The following ANO3 variants were observed in gnomAD, a reference collection of about 807,000 sequenced individuals.
The protein encoded by ANO3 is anoctamin-3.
In ANO3, 99 loss-of-function variants were observed where a neutral mutation model predicts 144.8. The observed-to-expected ratio is 0.68, with a 90% CI of 0.58 to 0.81. The LOEUF (loss-of-function observed/expected upper bound fraction) is 0.81, where lower values mean the gene tolerates loss of function less well. ANO3 is among the 30% of genes least tolerant of loss of function. The pLI, the probability that ANO3 is intolerant of heterozygous loss-of-function variation, is 0.00. For synonymous variants in ANO3, 414 were observed against 392.6 expected (o/e 1.05, Z -0.64); for missense variants, 905 against 1,202.2 (o/e 0.75, Z 3.66).
At chr11:26,410,419 C>A (rs992441346) in intron 1 of ANO3, among the ~76,000 whole-genome samples, 1 of 151,816 alleles carries the variant, frequency 6.6e-6, no homozygotes, top group African/African-American at 2.4e-5. Context: ...AAGTAATATA[C>A]TTCCTTTGTA....
chr11:26,639,841 C>T (rs1203349983), intron 21 of ANO3, among the ~76,000 whole-genome samples: 2 of 152,120 alleles, frequency 1.3e-5, no homozygotes, highest in South Asian at 2.1e-4. Context: ...TATTAAAATA[C>T]ACTTTCCTTT....
intron 4 of ANO3, among the ~76,000 whole-genome samples, chr11:26,490,007 G>A (rs776727144): frequency 6.6e-6 from 1 of 152,132 alleles, no homozygotes; most frequent in Non-Finnish European, 1.5e-5. Flanking sequence ...AAAATGTGAG[G>A]ACATGAGATT....
chr11:26,428,289 T>C (rs1328758111), intron 1 of ANO3, among the ~76,000 whole-genome samples: 2 of 152,088 alleles, frequency 1.3e-5, no homozygotes, highest in Non-Finnish European at 2.9e-5. Context: ...GACAAACCTA[T>C]ATATTGAAAA....
rs547402829 is a variant in ANO3 at position 26,555,513 on chromosome 11, T to C, written c.1386+2168T>C. ...TGCAGTAAATACATCTCTTCTTTTC[T>C]GAACAGAGAAAGGTACATTTAAGGA... is the stretch of plus-strand genomic sequence containing the variant. On this transcript the variant is annotated intron_variant, in intron 13 of 26. Coordinates refer to ENST00000256737, the MANE Select transcript of ANO3 (RefSeq NM_031418.4). Among the ~76,000 whole-genome samples the C allele has an allele frequency of 3.9e-5, 6 of 152,278 alleles. No individual in the cohort carries two copies. In the South Asian group the frequency reaches 1.0e-3, roughly 26 times the overall value.
chr11:26,404,482 A>G (rs1386082678), intron 1 of ANO3, among the ~76,000 whole-genome samples: 1 of 151,794 alleles, frequency 6.6e-6, no homozygotes, highest in Non-Finnish European at 1.5e-5. Flanking sequence ...ATTCCATTTA[A>G]AGAGGAAAAA....
chr11:26,398,974 A>T (rs2133971950), intron 1 of ANO3, among the ~76,000 whole-genome samples: 1 of 152,168 alleles, frequency 6.6e-6, no homozygotes, highest in South Asian at 2.1e-4. Context: ...TGGGGTAATG[A>T]CAGACAGGCC....
chr11:26,537,272 G>C (rs1175074220), intron 9 of ANO3, 134 bp from the exon 10 acceptor site: 7 of 695,294 alleles, frequency 1.0e-5, no homozygotes, highest in Admixed American at 2.2e-5. Flanking sequence ...CCTCATAGGT[G>C]ATGTGGCTAT....
At chr11:26,380,392 T>A (rs1414225743) in intron 1 of ANO3, among the ~76,000 whole-genome samples, 1 of 152,204 alleles carries the variant, frequency 6.6e-6, no homozygotes, top group Non-Finnish European at 1.5e-5. Context: ...CTGGCTGCTA[T>A]AACAAAATAC....
chr11:26,379,307 C>A (rs1166584750), intron 1 of ANO3, among the ~76,000 whole-genome samples: 1 of 152,104 alleles, frequency 6.6e-6, no homozygotes, highest in African/African-American at 2.4e-5. Flanking sequence ...GAGTTTGATA[C>A]AAGTCATCAG....
At position 26,245,048 on chromosome 11, in the gene ANO3, T is replaced by C. The variant is rs932047196; in HGVS notation, c.154+55718T>C. On this transcript the variant is annotated intron_variant, in intron 1 of 27. Transcript: ENST00000672621. ...ATGCATGCATTTGTCTTTCATAGCATTGAATTTTTAAAAAATAATTCCAAC... is the reference window on the plus strand; with the variant it reads ...ATGCATGCATTTGTCTTTCATAGCACTGAATTTTTAAAAAATAATTCCAAC... Among the ~76,000 whole-genome samples the C allele has an allele frequency of 4.0e-5, 6 of 150,856 alleles. No individual in the cohort carries two copies. In the South Asian group the frequency reaches 8.4e-4, roughly 21 times the overall value.
At chr11:26,467,454 G>A (rs570584696) in intron 4 of ANO3, among the ~76,000 whole-genome samples, 1 of 151,772 alleles carries the variant, frequency 6.6e-6, no homozygotes, top group East Asian at 2.0e-4. Context: ...CCAAACCCTG[G>A]TAATCATCAT....
intron 1 of ANO3, among the ~76,000 whole-genome samples, chr11:26,246,628 A>G (rs1190179394): frequency 6.7e-6 from 1 of 149,640 alleles, no homozygotes; most frequent in East Asian, 1.9e-4. Context: ...TTGTTACTAT[A>G]TTATAATAAT....
rs1481485628 is a variant in ANO3 at position 26,629,409 on chromosome 11, T to C, written c.1874-4795T>C. On this transcript the variant is annotated intron_variant, in intron 18 of 26. Transcript: ENST00000256737. The stretch of plus-strand genomic sequence containing the variant: ...CTATTACATTATTCCTATCTATCTA[T>C]CTATCTATCTACTTTCTTTACAAGA... 2.6e-5 allele frequency among the ~76,000 whole-genome samples: 4 copies of C among 151,942 alleles called. No homozygotes were observed. In the East Asian group the frequency reaches 7.8e-4, roughly 29 times the overall value.
chr11:26,232,511 G>C (rs548454697), intron 1 of ANO3, among the ~76,000 whole-genome samples: 4 of 151,910 alleles, frequency 2.6e-5, no homozygotes, highest in Non-Finnish European at 4.4e-5. Flanking sequence ...GCAGTTTAAT[G>C]GACAAAAGCA....
chr11:26,525,110 A>G (rs1412067524), intron 6 of ANO3, among the ~76,000 whole-genome samples: 1 of 152,088 alleles, frequency 6.6e-6, no homozygotes, highest in Admixed American at 6.6e-5. Context: ...ATTTTATTTT[A>G]ACTGATGACT....
At chr11:26,479,225 G>A (rs1860106752) in intron 4 of ANO3, among the ~76,000 whole-genome samples, 1 of 152,106 alleles carries the variant, frequency 6.6e-6, no homozygotes, top group South Asian at 2.1e-4. Flanking sequence ...TTTTTTGTTA[G>A]GAGAGGCTAT....
chr11:26,202,531 G>A (rs925744136), intron 1 of ANO3, among the ~76,000 whole-genome samples: 12 of 151,398 alleles, frequency 7.9e-5, no homozygotes, highest in African/African-American at 2.9e-4. Context: ...GGAAACACAG[G>A]GCGGGTAATT....
chr11:26,411,203 A>G (rs1345051200), intron 1 of ANO3, among the ~76,000 whole-genome samples: 1 of 151,988 alleles, frequency 6.6e-6, no homozygotes, highest in Non-Finnish European at 1.5e-5. Flanking sequence ...GCATTTCATG[A>G]TTTGAAAGAT....
intron 1 of ANO3, among the ~76,000 whole-genome samples, chr11:26,196,054 A>T (rs1450229793): frequency 6.6e-6 from 1 of 152,152 alleles, no homozygotes; most frequent in Non-Finnish European, 1.5e-5. Flanking sequence ...GGCCATTCAT[A>T]TGAGTTGCTA....
Sources: gnomAD v4.1 joint callset for allele counts (sites outside exome capture counted in the v4.1 genomes callset) on GRCh38, gnomAD v4.1.1 for gene constraint, MANE v1.5 for transcripts, NCBI Gene and HGNC (gene_info 2026-07-23, HGNC 2026-07-21) for gene names.